Variants in DEPTOR observed in about 807,000 individuals in gnomAD.
DEPTOR encodes the protein DEP domain-containing mTOR-interacting protein.
A neutral mutation model predicts 41.6 loss-of-function variants in DEPTOR; 41 were observed. The observed-to-expected ratio is 0.98, with a 90% CI of 0.77 to 1.28. The LOEUF is 1.28. DEPTOR is among the 50% of genes most tolerant of loss of function. The pLI is 0.00. For missense variants in DEPTOR, 514 were observed against 527.9 expected, an observed-to-expected ratio of 0.97 and a Z score of 0.26; for synonymous variants, 195 against 192.3, an observed-to-expected ratio of 1.01 and a Z score of -0.12.
chr8:119,968,554 G>A (rs551369104), intron 4 of DEPTOR, among the ~76,000 whole-genome samples: 21 of 152,180 alleles, frequency 1.4e-4, no homozygotes, highest in Admixed American at 3.9e-4. Context: ...CGCCTGCCCC[G>A]GTCTCCCAAA....
At chr8:120,039,843 T>A (rs1332625023) in intron 8 of DEPTOR, among the ~76,000 whole-genome samples, 118 of 152,286 alleles carry the variant, frequency 7.7e-4, no homozygotes, top group Non-Finnish European at 4.4e-5. Context: ...TTATTGTTTT[T>A]TATTTGTTTT....
At chr8:119,919,262 AGT>A (rs1157096672) in intron 1 of DEPTOR, among the ~76,000 whole-genome samples, 1 of 152,196 alleles carries the variant, frequency 6.6e-6, no homozygotes, top group Admixed American at 6.5e-5. Context: ...TCCTTTGGAA[AGT>A]GGAGGTGGAG....
In DEPTOR at chr8:119,906,188, A is replaced by G. The variant is rs1478128385; in HGVS notation, c.123-22212A>G. Among the ~76,000 whole-genome samples, 6 of 152,226 alleles carry G rather than the reference A, an allele frequency of 3.9e-5. No homozygotes were observed. The East Asian group carries it at 1.2e-3, about 30-fold the overall frequency. On this transcript the variant is annotated intron_variant, in intron 1 of 8. Transcript: ENST00000286234. The stretch of plus-strand genomic sequence containing the variant: ...CAAATTTTGCCGGGTGCAATGGCTC[A>G]CACCTATAATCCCAGCACTTTGGGA...
chr8:119,926,696 C>T (rs1439222391), intron 1 of DEPTOR, among the ~76,000 whole-genome samples: 1 of 152,126 alleles, frequency 6.6e-6, no homozygotes, highest in Non-Finnish European at 1.5e-5. Context: ...GGATACCTCT[C>T]CTTTAGTATT....
chr8:119,975,784 C>T (rs563957497), intron 4 of DEPTOR, among the ~76,000 whole-genome samples: 4 of 149,986 alleles, frequency 2.7e-5, no homozygotes, highest in South Asian at 4.3e-4. Context: ...TCCAGGGGAG[C>T]GTCTAACAGT....
Position 119,999,256 on chromosome 8 carries a change from GA to G in DEPTOR, c.605-2268del, listed in dbSNP as rs540567823. Among the ~76,000 whole-genome samples, 39 of 146,526 alleles carry G rather than the reference GA, an allele frequency of 2.7e-4. No individual in the cohort carries two copies. In the South Asian group the frequency reaches 8.6e-3, roughly 32 times the overall value. On this transcript the variant is annotated intron_variant, in intron 4 of 8. Coordinates refer to ENST00000286234, the MANE Select transcript of DEPTOR (RefSeq NM_022783.4). ...CATTGCACTCCAGCCTGGAAAACAA[GA>G]GTGAAATTCTGTCTCAAAAAAAAAA...
In DEPTOR at chr8:119,902,272, G is replaced by C. The variant is rs574980274; in HGVS notation, c.123-26128G>C. Among the ~76,000 whole-genome samples the C allele has an allele frequency of 2.0e-5, 3 of 152,292 alleles. No homozygotes were observed. In the South Asian group the frequency reaches 6.2e-4, roughly 32 times the overall value. The stretch of plus-strand genomic sequence containing the variant: ...TAAGTGGCAAAATAAATGGAGCTCA[G>C]AGAGAAACTAAGTGACTTGGCCATG... On this transcript the variant is annotated intron_variant, in intron 1 of 8. Coordinates refer to ENST00000286234, the MANE Select transcript of DEPTOR (RefSeq NM_022783.4).
chr8:120,006,715 G>A (rs1812443613), intron 6 of DEPTOR, 90 bp from the exon 7 acceptor site: 3 of 1,137,942 alleles, frequency 2.6e-6, no homozygotes, highest in Non-Finnish European at 3.9e-6. Context: ...CTCACTGATG[G>A]TCACCTACGA....
chr8:119,959,145 T>C (rs890471398), intron 3 of DEPTOR, among the ~76,000 whole-genome samples: 2 of 148,960 alleles, frequency 1.3e-5, no homozygotes, highest in East Asian at 3.9e-4. Context: ...TATTTCTTTT[T>C]CTTTCTTTCT....
chr8:119,927,075 G>T (rs1827972633), intron 1 of DEPTOR, among the ~76,000 whole-genome samples: 1 of 152,130 alleles, frequency 6.6e-6, no homozygotes, highest in African/African-American at 2.4e-5. Flanking sequence ...AGCAGATTAG[G>T]GGAACTGCTT....
intron 3 of DEPTOR, among the ~76,000 whole-genome samples, chr8:119,961,281 T>C (rs1483694716): frequency 1.3e-5 from 2 of 151,818 alleles, no homozygotes; most frequent in Non-Finnish European, 2.9e-5. Flanking sequence ...CCAGGTGTGG[T>C]GGTGCATGCC....
intron 4 of DEPTOR, among the ~76,000 whole-genome samples, chr8:119,967,980 A>G (rs1202527394): frequency 6.6e-6 from 1 of 152,102 alleles, no homozygotes; most frequent in East Asian, 1.9e-4. Context: ...CAGTTCTGCC[A>G]CAGTTGGACT....
At chr8:119,916,057 C>T (rs1488123300) in intron 1 of DEPTOR, among the ~76,000 whole-genome samples, 1 of 151,266 alleles carries the variant, frequency 6.6e-6, no homozygotes, top group Non-Finnish European at 1.5e-5. Flanking sequence ...GAGACATTCT[C>T]TATCATTCCC....
At chr8:119,920,626 G>C (rs540020487) in intron 1 of DEPTOR, among the ~76,000 whole-genome samples, 4 of 152,174 alleles carry the variant, frequency 2.6e-5, no homozygotes, top group African/African-American at 9.7e-5. Context: ...TACAAAGCAG[G>C]AATGCATGTG....
chr8:120,044,097 G>T (rs78677949), intron 8 of DEPTOR, among the ~76,000 whole-genome samples: 2,834 of 151,184 alleles, frequency 0.019, 32 homozygotes, highest in South Asian at 0.028. Context: ...AAAAGAAATT[G>T]ATTAGAAAGA....
rs1828542492 is a variant in DEPTOR, at chr8:119,965,254, C to G, written c.448C>G (p.Leu150Val). ...YEKLMSPENTLLQPREEEGVK... is the reference protein window; with the variant it reads ...YEKLMSPENTVLQPREEEGVK... ...CAGGCTGATGAGCCCTGAAAACACA[C>G]TCCTGCAGCCCAGGGAGGAGGAAGG... The change falls in exon 4 of 9, where the codon CTC (leucine) becomes GTC (valine). Residue 150 changes from leucine to valine, a missense_variant. Leu to Val is a conservative substitution (Grantham distance 32). Coordinates refer to ENST00000286234, the MANE Select transcript of DEPTOR (RefSeq NM_022783.4). The G allele has an allele frequency of 2.5e-6, 4 of 1,613,920 alleles. No homozygotes were observed. Among genetic ancestry groups the G allele is most frequent in the Non-Finnish European group, 3.4e-6 (4 of 1,179,986 alleles).
chr8:120,042,681 G>C (rs1363293544), intron 8 of DEPTOR, among the ~76,000 whole-genome samples: 1 of 151,824 alleles, frequency 6.6e-6, no homozygotes, highest in Non-Finnish European at 1.5e-5. Flanking sequence ...ACGATGCCTG[G>C]CTAATTTTCG....
intron 1 of DEPTOR, among the ~76,000 whole-genome samples, chr8:119,917,613 AG>A (rs1382555326): frequency 6.6e-6 from 1 of 152,222 alleles, no homozygotes; most frequent in Admixed American, 6.5e-5. Flanking sequence ...ACCTCTGCCT[AG>A]GAAAGCCAGG....
intron 4 of DEPTOR, among the ~76,000 whole-genome samples, chr8:119,977,070 G>A (rs1828704197): frequency 6.6e-6 from 1 of 152,042 alleles, no homozygotes; most frequent in Non-Finnish European, 1.5e-5. Flanking sequence ...GTGCAATCTT[G>A]GCTCACTGCA....
Sources: allele counts gnomAD v4.1 joint callset (sites outside exome capture counted in the v4.1 genomes callset), GRCh38; gene constraint gnomAD v4.1.1; transcripts MANE v1.5; gene names NCBI Gene and HGNC (gene_info 2026-07-23, HGNC 2026-07-21).